The following PCDHGA5 variants were observed in gnomAD, a reference collection of about 807,000 sequenced individuals.
The protein encoded by PCDHGA5 is protocadherin gamma-A5.
PCDHGA5 carries 36 observed loss-of-function variants against 56.7 expected under a neutral mutation model. The ratio of observed to expected loss-of-function variants is 0.64; its 90% CI spans 0.49 to 0.84. The LOEUF is 0.84. PCDHGA5 is among the 40% of genes least tolerant of loss of function. PCDHGA5 has a pLI of 0.00. For synonymous variants in PCDHGA5, 563 were observed against 520.2 expected (o/e 1.08, Z -1.12); for missense variants, 1,305 against 1,201.5 (o/e 1.09, Z -1.27).
Position 141,371,905 on chromosome 5 carries a change from A to C in PCDHGA5, c.2421+5154A>C, listed in dbSNP as rs768388601. 6 of 1,613,358 alleles carry C rather than the reference A, an allele frequency of 3.7e-6. No homozygotes were observed. In the South Asian group the frequency reaches 6.6e-5, roughly 18 times the overall value. On this transcript the variant is annotated intron_variant, in intron 1 of 3. Coordinates refer to ENST00000518069, the MANE Select transcript of PCDHGA5 (RefSeq NM_018918.3). ...CTGGAGCCGCGGGAGCTGTCGTCCTACGTGTCCGTGAGCGCGCGGAGCGGG... is the reference window on the plus strand; with the variant it reads ...CTGGAGCCGCGGGAGCTGTCGTCCTCCGTGTCCGTGAGCGCGCGGAGCGGG...
chr5:141,375,281 A>G (rs1157577123), intron 1 of PCDHGA5: 3 of 1,613,848 alleles, frequency 1.9e-6, no homozygotes, highest in Admixed American at 3.3e-5. Context: ...ATCAGTTGGC[A>G]ATTATTATCG....
intron 1 of PCDHGA5, chr5:141,403,037 A>G (rs1561685258): frequency 9.3e-6 from 15 of 1,613,972 alleles, no homozygotes; most frequent in South Asian, 5.5e-5. Flanking sequence ...GGCCAGGGCC[A>G]GTCAGATTCG....
At chr5:141,427,092 G>T in intron 1 of PCDHGA5, 1 of 458,134 alleles carries the variant, frequency 2.2e-6, no homozygotes, top group Non-Finnish European at 4.4e-6. Flanking sequence ...CCAGGATGAG[G>T]GTGTCAATGC....
Position 141,486,914 on chromosome 5 carries a change from C to T in PCDHGA5, c.2422-7893C>T, listed in dbSNP as rs1469857080. On this transcript the variant is annotated intron_variant, in intron 1 of 3. Coordinates refer to ENST00000518069, the MANE Select transcript of PCDHGA5 (RefSeq NM_018918.3). This position sits in a 1 kb window ranked among gnomAD's most constrained non-coding sequence, Gnocchi z 5.0. ...TGGTTCCTTATGTCCCCAAGCACTG[C>T]CTCCATCAGTTGGTGCTGGCCACCT... The T allele has an allele frequency of 6.2e-7, 1 of 1,614,236 alleles. No individual in the cohort carries two copies.
Position 141,387,762 on chromosome 5 carries a change from G to T in PCDHGA5, c.2421+21011G>T, listed in dbSNP as rs545222926. The T allele has an allele frequency of 3.5e-6, 5 of 1,424,676 alleles. No homozygotes were observed. The East Asian group carries it at 9.9e-5, about 28-fold the overall frequency. The allele number at this position is 1,424,676 out of a possible 1,614,324, so 88.3% of individuals were successfully genotyped here. ...CACCGCTTCCTCCTCGGAAAAAGAA[G>T]AATTTTTTCTTGAACTGGAACTGCA... On this transcript the variant is annotated intron_variant, in intron 1 of 3. Transcript: ENST00000518069.
At chr5:141,375,704 C>T in intron 1 of PCDHGA5, 2 of 1,614,268 alleles carry the variant, frequency 1.2e-6, no homozygotes, top group Non-Finnish European at 1.7e-6. Flanking sequence ...CGGGGACCCG[C>T]CTCTTAGCAG....
At position 141,476,251 on chromosome 5, in the gene PCDHGA5, C is replaced by T; in HGVS notation, c.2422-18556C>T. On this transcript the variant is annotated intron_variant, in intron 1 of 3. Coordinates refer to ENST00000518069, the MANE Select transcript of PCDHGA5 (RefSeq NM_018918.3). This position sits in a 1 kb window ranked among gnomAD's most constrained non-coding sequence, Gnocchi z 7.6. The stretch of plus-strand genomic sequence containing the variant: ...TCCCGGAGGAAAGAGAGAAGGGTTT[C>T]GCTGTGGGCAACGTGGTCGCGAACC... 1 of 1,613,866 alleles carries T rather than the reference C, an allele frequency of 6.2e-7. No homozygotes were observed. The highest frequency in any genetic ancestry group is 8.5e-7 in the Non-Finnish European group (1 of 1,179,978).
At chr5:141,371,549 A>G in intron 1 of PCDHGA5, 1 of 1,613,886 alleles carries the variant, frequency 6.2e-7, no homozygotes, top group Non-Finnish European at 8.5e-7. Flanking sequence ...TCCTATGCCA[A>G]CTAAAAGGAA....
In PCDHGA5 at chr5:141,432,752, G is replaced by C. The variant is rs1407361813; in HGVS notation, c.2422-62055G>C. On this transcript the variant is annotated intron_variant, in intron 1 of 3. Coordinates refer to ENST00000518069, the MANE Select transcript of PCDHGA5 (RefSeq NM_018918.3). The surrounding 1 kb of genome is among the most constrained non-coding windows in gnomAD (Gnocchi z 6.0). Reference sequence around the variant, plus strand: ...CACTGTCACGCTCACCGTGGCCGTGGCCGACAGCATCCCCCAAGTCCTGGC... The same window carrying C: ...CACTGTCACGCTCACCGTGGCCGTGCCCGACAGCATCCCCCAAGTCCTGGC... 9.3e-6 allele frequency: 15 copies of C among 1,614,024 alleles called. No individual in the cohort carries two copies. The highest frequency in any genetic ancestry group is 1.3e-5 in the Non-Finnish European group (15 of 1,180,008).
In PCDHGA5 at chr5:141,365,408, T is replaced by G; in HGVS notation, c.1078T>G (p.Cys360Gly). The change falls in exon 1 of 4, where the codon TGT (cysteine) becomes GGT (glycine). Residue 360 changes from cysteine to glycine, a missense_variant. By Grantham distance (159) the Cys-to-Gly change is radical. Transcript: ENST00000518069. ...TCTGACCAGTTCGATCTCTGAAGAC[T>G]GTCTTCCCGGAACTGTAATCGCGCT... ...TSLTSSISED[C>G]LPGTVIALFS... 6.2e-7 allele frequency: 1 copy of G among 1,614,004 alleles called. No homozygotes were observed.
Position 141,399,737 on chromosome 5 carries a change from C to T in PCDHGA5, c.2421+32986C>T, listed in dbSNP as rs888467903. The T allele has an allele frequency of 2.5e-6, 4 of 1,613,296 alleles. No homozygotes were observed. In the South Asian group the frequency reaches 3.3e-5, roughly 13 times the overall value. On this transcript the variant is annotated intron_variant, in intron 1 of 3. Coordinates refer to ENST00000518069, the MANE Select transcript of PCDHGA5 (RefSeq NM_018918.3). Reference sequence around the variant, plus strand: ...CAGGCCCGCGACCAGGGCTCGCCTGCGCTCAGCGCAAACGTGAGCCTGCGC... The same window carrying T: ...CAGGCCCGCGACCAGGGCTCGCCTGTGCTCAGCGCAAACGTGAGCCTGCGC...
At chr5:141,383,394 C>A in intron 1 of PCDHGA5, 2 of 1,614,036 alleles carry the variant, frequency 1.2e-6, no homozygotes, top group Non-Finnish European at 1.7e-6. Context: ...TGGGCACGAA[C>A]TCCCTCCAGA....
intron 1 of PCDHGA5, chr5:141,375,567 C>A (rs767430191): frequency 1.2e-6 from 2 of 1,614,076 alleles, no homozygotes. Flanking sequence ...GCAGAAGACA[C>A]CCTCCAGGGG....
At position 141,371,994 on chromosome 5, in the gene PCDHGA5, G is replaced by T. The variant is rs769252405; in HGVS notation, c.2421+5243G>T. The T allele has an allele frequency of 1.2e-6, 2 of 1,613,246 alleles. No individual in the cohort carries two copies. Among genetic ancestry groups the T allele is most frequent in the Non-Finnish European group, 1.7e-6 (2 of 1,179,762 alleles). Reference sequence around the variant, plus strand: ...GCGTGCCTTCGAGCTCACTCTGCAGGCCCGCGACCAGGGCTCGCCTACGCT... The same window carrying T: ...GCGTGCCTTCGAGCTCACTCTGCAGTCCCGCGACCAGGGCTCGCCTACGCT... On this transcript the variant is annotated intron_variant, in intron 1 of 3. Coordinates refer to ENST00000518069, the MANE Select transcript of PCDHGA5 (RefSeq NM_018918.3).
chr5:141,364,497 C>T lies in PCDHGA5; in HGVS notation c.167C>T (p.Pro56Leu), dbSNP rs768698440. The T allele has an allele frequency of 6.2e-7, 1 of 1,614,016 alleles. No individual in the cohort carries two copies. Residue 56 changes from proline (P) to leucine (L), a missense_variant, in exon 1 of 4, where the codon CCC becomes CTC. Coordinates refer to ENST00000518069, the MANE Select transcript of PCDHGA5 (RefSeq NM_018918.3). ...ATAGCCAAGGACCTTGGGCTGGAGC[C>T]CCAGGAGCTGGCGGAGCGCGGAGTC... The part of the protein sequence containing the change: ...GNIAKDLGLE[P>L]QELAERGVRI...
chr5:141,399,472 C>T lies in PCDHGA5; in HGVS notation c.2421+32721C>T, dbSNP rs763239278. On this transcript the variant is annotated intron_variant, in intron 1 of 3. Transcript: ENST00000518069. ...CGTCAACGATAACGCTCCGGTTTTCCACCAGGCGTCCTACTTAGTCAGTGT... is the reference window on the plus strand; with the variant it reads ...CGTCAACGATAACGCTCCGGTTTTCTACCAGGCGTCCTACTTAGTCAGTGT... 29 of 1,613,908 alleles carry T rather than the reference C, an allele frequency of 1.8e-5. No individual in the cohort carries two copies. The South Asian group carries it at 2.9e-4, about 16-fold the overall frequency.
intron 1 of PCDHGA5, chr5:141,404,213 A>G: frequency 6.2e-7 from 1 of 1,613,516 alleles, no homozygotes; most frequent in Non-Finnish European, 8.5e-7. Context: ...ATATAATATC[A>G]CGGTGACTGC....
intron 1 of PCDHGA5, chr5:141,383,067 C>G: frequency 1.2e-6 from 2 of 1,613,822 alleles, no homozygotes; most frequent in South Asian, 1.1e-5. Flanking sequence ...GGCTGGAGCC[C>G]CGGGAGCTGG....
chr5:141,485,259 G>C lies in PCDHGA5; in HGVS notation c.2422-9548G>C. ...TTTTACCACCTGGGTTACGTTTGTGGGCAGATCCGCTACCCGGTCCCAGAG... is the reference window on the plus strand; with the variant it reads ...TTTTACCACCTGGGTTACGTTTGTGCGCAGATCCGCTACCCGGTCCCAGAG... On this transcript the variant is annotated intron_variant, in intron 1 of 3. Coordinates refer to ENST00000518069, the MANE Select transcript of PCDHGA5 (RefSeq NM_018918.3). The surrounding 1 kb of genome is among the most constrained non-coding windows in gnomAD (Gnocchi z 5.7). 1.2e-6 allele frequency: 2 copies of C among 1,614,136 alleles called. No homozygotes were observed. The highest frequency in any genetic ancestry group is 1.7e-6 in the Non-Finnish European group (2 of 1,180,002).
Sources: gnomAD v4.1 joint callset for allele counts on GRCh38, gnomAD v4.1.1 for gene constraint, Gnocchi (gnomAD v3.1) non-coding constraint, MANE v1.5 for transcripts, NCBI Gene and HGNC (gene_info 2026-07-23, HGNC 2026-07-21) for gene names.